Variants in NOX4 observed in about 807,000 individuals in gnomAD.
The protein encoded by NOX4 is kidney oxidase-1.
NOX4 carries 69 observed loss-of-function variants against 87.6 expected under a neutral mutation model. That is an observed-to-expected ratio of 0.79 (90% CI 0.65 to 0.96). NOX4 has a LOEUF of 0.96. Among genes scored for constraint, NOX4 ranks in the 40% least tolerant of loss-of-function variants. The probability of loss-of-function intolerance (pLI) is 0.00; values close to 1 mark genes in which losing one functional copy is unlikely to be tolerated. For synonymous variants in NOX4, 275 were observed against 238.2 expected (o/e 1.15, Z -1.42); for missense variants, 680 against 681.5 (o/e 1.00, Z 0.02).
At chr11:89,516,798 C>A in the NOX4 span, among the ~76,000 whole-genome samples, 2 of 152,032 alleles carry the variant, frequency 1.3e-5, no homozygotes, top group African/African-American at 4.8e-5. Context: ...AAACACAATT[C>A]TTTGGTACTT....
chr11:89,508,086 A>C, the NOX4 span, among the ~76,000 whole-genome samples: 1 of 152,102 alleles, frequency 6.6e-6, no homozygotes, highest in Non-Finnish European at 1.5e-5. Context: ...TTTTAAAAAT[A>C]ATATAATGCA....
intron 12 of NOX4, among the ~76,000 whole-genome samples, chr11:89,373,182 G>A (rs926916803): frequency 1.4e-5 from 2 of 137,946 alleles, no homozygotes; most frequent in African/African-American, 5.4e-5. Flanking sequence ...CAAGCACACT[G>A]AACAATATAT....
intron 6 of NOX4, 107 bp from the exon 7 acceptor site, chr11:89,432,963 T>A (rs1028685530): frequency 1.4e-6 from 1 of 717,884 alleles, no homozygotes; most frequent in African/African-American, 1.8e-5. Flanking sequence ...GTGGGAAGCC[T>A]AATTCAAATC....
intron 4 of NOX4, among the ~76,000 whole-genome samples, chr11:89,448,910 C>T (rs993469441): frequency 7.2e-5 from 11 of 152,040 alleles, no homozygotes; most frequent in African/African-American, 2.7e-4. Context: ...AATGTTCATG[C>T]ATTTAAACTC....
chr11:89,333,799 G>A (rs1945580575), intron 17 of NOX4, among the ~76,000 whole-genome samples: 1 of 151,696 alleles, frequency 6.6e-6, no homozygotes, highest in African/African-American at 2.4e-5. Context: ...TCCTAAGTAT[G>A]CTACATAAAA....
At chr11:89,488,698 C>T (rs939534112) in intron 2 of NOX4, among the ~76,000 whole-genome samples, 3 of 151,948 alleles carry the variant, frequency 2.0e-5, no homozygotes, top group African/African-American at 4.8e-5. Context: ...CAAATTTTAC[C>T]ATTCTATATC....
the NOX4 span, among the ~76,000 whole-genome samples, chr11:89,518,025 A>T: frequency 5.9e-5 from 9 of 152,142 alleles, no homozygotes; most frequent in African/African-American, 1.9e-4. Context: ...ACACTTTTAC[A>T]TTAAATCTCT....
At chr11:89,478,192 CT>C (rs1474446470) in intron 2 of NOX4, among the ~76,000 whole-genome samples, 3 of 149,356 alleles carry the variant, frequency 2.0e-5, no homozygotes, top group East Asian at 2.0e-4. Flanking sequence ...TTCCCTGCCC[CT>C]GTCCCCTGAC....
the NOX4 span, among the ~76,000 whole-genome samples, chr11:89,562,071 A>C: frequency 1.3e-5 from 2 of 152,184 alleles, no homozygotes; most frequent in Admixed American, 1.3e-4. Flanking sequence ...GATCAGAGTT[A>C]CTTCCAAAAA....
rs148208109 is a variant in NOX4 at position 89,362,173 on chromosome 11, G to GAC, written c.1136-7132_1136-7131dup. Among the ~76,000 whole-genome samples the GAC allele has an allele frequency of 5.2e-3, 762 of 146,994 alleles. 6 individuals carry two copies. Among genetic ancestry groups the GAC allele is most frequent in the Middle Eastern group, 0.011 (3 of 284 alleles). ...GCATTTTACATTACACACAGACACA[G>GAC]ACACACACACACACACACACACACA... is the stretch of plus-strand genomic sequence containing the variant. On this transcript the variant is annotated intron_variant, in intron 12 of 17. Transcript: ENST00000263317.
intron 11 of NOX4, among the ~76,000 whole-genome samples, chr11:89,373,782 T>G (rs184080833): frequency 6.6e-6 from 1 of 152,172 alleles, no homozygotes; most frequent in African/African-American, 2.4e-5. Flanking sequence ...TGCTAAAACA[T>G]CTTCTAAGTT....
chr11:89,401,343 G>T (rs977731582), intron 9 of NOX4, among the ~76,000 whole-genome samples: 1 of 151,920 alleles, frequency 6.6e-6, no homozygotes, highest in African/African-American at 2.4e-5. Context: ...AATGGGAGTC[G>T]CCATACCTGC....
chr11:89,489,727 C>CAAAAA (rs35606793), intron 2 of NOX4, among the ~76,000 whole-genome samples: 14 of 118,236 alleles, frequency 1.2e-4, no homozygotes, highest in South Asian at 6.0e-4. Flanking sequence ...GACTCTGTCT[C>CAAAAA]AAAAAAAAAA....
intron 11 of NOX4, among the ~76,000 whole-genome samples, chr11:89,380,376 T>G (rs1940189202): frequency 1.3e-5 from 2 of 152,106 alleles, no homozygotes; most frequent in South Asian, 4.1e-4. Flanking sequence ...AACTGAACAA[T>G]AACATGGTCA....
chr11:89,511,974 T>A, the NOX4 span, among the ~76,000 whole-genome samples: 1 of 152,206 alleles, frequency 6.6e-6, no homozygotes, highest in East Asian at 1.9e-4. Context: ...AGATTACAGA[T>A]GTAATTAGTA....
the NOX4 span, among the ~76,000 whole-genome samples, chr11:89,564,706 T>A: frequency 6.6e-6 from 1 of 152,002 alleles, no homozygotes; most frequent in South Asian, 2.1e-4. Context: ...ATTTTGGTTT[T>A]CTAATTTTGG....
At chr11:89,490,808 C>T (rs1160272552) in intron 1 of NOX4, 14 of 698,590 alleles carry the variant, frequency 2.0e-5, no homozygotes, top group Non-Finnish European at 3.6e-5. Flanking sequence ...ACAGCTATCC[C>T]CTGCCGTACA....
chr11:89,426,680 C>A (rs970664899), intron 7 of NOX4, among the ~76,000 whole-genome samples: 1 of 152,036 alleles, frequency 6.6e-6, no homozygotes, highest in African/African-American at 2.4e-5. Flanking sequence ...TGGGGAGGGG[C>A]GCCCACCATT....
the NOX4 span, among the ~76,000 whole-genome samples, chr11:89,571,014 T>G: frequency 6.6e-6 from 1 of 152,222 alleles, no homozygotes; most frequent in Non-Finnish European, 1.5e-5. Flanking sequence ...TGTAACTTCT[T>G]TTGCTCAGTT....
Sources: allele counts gnomAD v4.1 joint callset (sites outside exome capture counted in the v4.1 genomes callset), GRCh38; gene constraint gnomAD v4.1.1; transcripts MANE v1.5; gene names NCBI Gene and HGNC (gene_info 2026-07-23, HGNC 2026-07-21).